The following MUC17 variants were observed in gnomAD, a reference collection of about 807,000 sequenced individuals.
The protein encoded by MUC17 is mucin 17, cell surface associated.
MUC17 carries 190 observed loss-of-function variants against 170.3 expected under a neutral mutation model. The observed-to-expected ratio is 1.12, with a 90% CI of 0.99 to 1.26. The LOEUF is 1.26. MUC17 is among the 50% of genes most tolerant of loss of function. MUC17 has a pLI of 0.00. For synonymous variants in MUC17, 2,325 were observed against 2,002.5 expected, an observed-to-expected ratio of 1.16 and a Z score of -4.30; for missense variants, 6,415 against 5,530.0, an observed-to-expected ratio of 1.16 and a Z score of -5.08.
At chr7:101,046,955 C>A (rs1794853479) in intron 3 of MUC17, among the ~76,000 whole-genome samples, 1 of 151,760 alleles carries the variant, frequency 6.6e-6, no homozygotes, top group South Asian at 2.1e-4. Flanking sequence ...GGCAGGCATG[C>A]CTGTAGTCCC....
In MUC17 at chr7:101,032,436, T is replaced by A; in HGVS notation, c.1020T>A (p.Pro340=). Residue 340 remains proline (P), a synonymous_variant, in exon 3 of 13, where the codon CCT becomes CCA. Transcript: ENST00000306151. The part of the protein sequence containing the change: ...TEGSTPLTST[P]ASTMPVATSE... ...GAAGCACTCCATTAACAAGTACGCC[T>A]GCCAGCACCATGCCGGTTGCCACTT... 6.2e-7 allele frequency: 1 copy of A among 1,613,874 alleles called. No homozygotes were observed. Among genetic ancestry groups the A allele is most frequent in the Non-Finnish European group, 8.5e-7 (1 of 1,179,854 alleles).
chr7:101,048,883 G>C lies in MUC17; in HGVS notation c.12574G>C (p.Val4192Leu), dbSNP rs756626934. The C allele has an allele frequency of 3.1e-6, 5 of 1,614,132 alleles. No homozygotes were observed. The East Asian group carries it at 1.1e-4, about 36-fold the overall frequency. Reference sequence around the variant, plus strand: ...TATCTCTGCCCAAATGGAACTGACTGTGACAGTGACCAGTGTGAAGTTCAC... The same window carrying C: ...TATCTCTGCCCAAATGGAACTGACTCTGACAGTGACCAGTGTGAAGTTCAC... ...ETISAQMELT[V>L]TVTSVKFTEE... Residue 4192 changes from valine (V) to leucine (L), a missense_variant, in exon 5 of 13, where the codon GTG (valine) becomes CTG (leucine). Physicochemically the swap from Val to Leu is conservative, Grantham distance 32. Coordinates refer to ENST00000306151, the MANE Select transcript of MUC17 (RefSeq NM_001040105.2).
chr7:101,023,837 G>T (rs1794135858), intron 1 of MUC17, among the ~76,000 whole-genome samples: 1 of 151,950 alleles, frequency 6.6e-6, no homozygotes, highest in South Asian at 2.1e-4. Context: ...TTTACTTCCT[G>T]TCAGCAATGT....
In MUC17 at chr7:101,049,343, G is replaced by T; in HGVS notation, c.12683G>T (p.Gly4228Val). The T allele has an allele frequency of 6.2e-7, 1 of 1,614,100 alleles. No homozygotes were observed. The highest frequency in any genetic ancestry group is 8.5e-7 in the Non-Finnish European group (1 of 1,179,990). The change falls in exon 6 of 13, where the codon GGG (glycine) becomes GTG (valine). Residue 4228 changes from glycine to valine, a missense_variant. By Grantham distance (109) the Gly-to-Val change is moderately radical (BLOSUM62 -3). Coordinates refer to ENST00000306151, the MANE Select transcript of MUC17 (RefSeq NM_001040105.2). ...TTTCAGATGAATATTGTGTATTCCG[G>T]GATCCCTGAGTATGTCGGGGTGAAC... ...FTEQMNIVYS[G>V]IPEYVGVNIT...
chr7:101,030,725 T>C (rs1794263447), intron 1 of MUC17, among the ~76,000 whole-genome samples: 1 of 151,914 alleles, frequency 6.6e-6, no homozygotes, highest in Non-Finnish European at 1.5e-5. Flanking sequence ...TGTGCCACCA[T>C]CCCCAGCTAA....
In MUC17 at chr7:101,037,400, C is replaced by G. The variant is rs377202743; in HGVS notation, c.5984C>G (p.Thr1995Arg). 3.2e-5 allele frequency: 51 copies of G among 1,613,000 alleles called. No homozygotes were observed. In the Admixed American group the frequency reaches 4.7e-4, roughly 15 times the overall value. Residue 1995 changes from threonine (T) to arginine (R), a missense_variant, in exon 3 of 13, where the codon ACG becomes AGG. Thr to Arg is a moderately conservative substitution (Grantham distance 71). Coordinates refer to ENST00000306151, the MANE Select transcript of MUC17 (RefSeq NM_001040105.2). ...CTAACAAGTATGCCTCTCAGCACCACGCTGGTGGTCAGTTCTGAGGCTAGC... is the reference window on the plus strand; with the variant it reads ...CTAACAAGTATGCCTCTCAGCACCAGGCTGGTGGTCAGTTCTGAGGCTAGC... ...TPLTSMPLSTTLVVSSEASTL... is the reference protein window; with the variant it reads ...TPLTSMPLSTRLVVSSEASTL...
chr7:101,030,985 T>C, intron 1 of MUC17, 135 bp from the exon 2 acceptor site: 2 of 1,135,164 alleles, frequency 1.8e-6, no homozygotes, highest in Admixed American at 5.5e-5. Context: ...TCCTGATGGC[T>C]GATTTCTAAC....
intron 1 of MUC17, among the ~76,000 whole-genome samples, chr7:101,024,288 C>T (rs1028006480): frequency 6.6e-6 from 1 of 151,862 alleles, no homozygotes; most frequent in Non-Finnish European, 1.5e-5. Flanking sequence ...TAATCTCAGC[C>T]CCTCAGGAGG....
rs1247392834 is a variant in MUC17 at position 101,038,509 on chromosome 7, A to G, written c.7093A>G (p.Thr2365Ala). The G allele has an allele frequency of 6.2e-7, 1 of 1,604,798 alleles. No individual in the cohort carries two copies. The highest frequency in any genetic ancestry group is 8.5e-7 in the Non-Finnish European group (1 of 1,174,332). Reference protein sequence around the residue: ...TSTLSTTPADTSTPVTTYSQA... With the variant: ...TSTLSTTPADASTPVTTYSQA... Reference sequence around the variant, plus strand: ...CACACTTTCTACAACTCCTGCTGACACCAGCACACCTGTGACTACTTATTC... The same window carrying G: ...CACACTTTCTACAACTCCTGCTGACGCCAGCACACCTGTGACTACTTATTC... Residue 2365 changes from threonine (T) to alanine (A), a missense_variant, in exon 3 of 13, where the codon ACC becomes GCC. Thr to Ala is a moderately conservative substitution (Grantham distance 58). Coordinates refer to ENST00000306151, the MANE Select transcript of MUC17 (RefSeq NM_001040105.2).
At chr7:101,044,118 G>T (rs1794792316) in intron 3 of MUC17, among the ~76,000 whole-genome samples, 1 of 152,134 alleles carries the variant, frequency 6.6e-6, no homozygotes, top group African/African-American at 2.4e-5. Context: ...GTGATAGTTT[G>T]CTCAGAATGA....
In MUC17 at chr7:101,038,492, C is replaced by G. The variant is rs149178597; in HGVS notation, c.7076C>G (p.Ser2359Cys). The G allele has an allele frequency of 6.2e-7, 1 of 1,604,528 alleles. No individual in the cohort carries two copies. Among genetic ancestry groups the G allele is most frequent in the Non-Finnish European group, 8.5e-7 (1 of 1,174,212 alleles). Residue 2359 changes from serine to cysteine, a missense_variant, in exon 3 of 13, where the codon TCT becomes TGT. Physicochemically the swap from Ser to Cys is moderately radical, Grantham distance 112. Transcript: ENST00000306151. ...GCCAGTTTTGAAACAAGCACACTTT[C>G]TACAACTCCTGCTGACACCAGCACA... The part of the protein sequence containing the change: ...MVASFETSTL[S>C]TTPADTSTPV...
At chr7:101,020,502 C>T (rs1794053505) in intron 1 of MUC17, among the ~76,000 whole-genome samples, 1 of 152,088 alleles carries the variant, frequency 6.6e-6, no homozygotes, top group Non-Finnish European at 1.5e-5. Context: ...ATAACACCTG[C>T]TTTTCAGGGC....
chr7:101,053,025 C>T lies in MUC17; in HGVS notation c.13143C>T (p.Thr4381=). 1.2e-6 allele frequency: 2 copies of T among 1,614,132 alleles called. No individual in the cohort carries two copies. The highest frequency in any genetic ancestry group is 1.7e-6 in the Non-Finnish European group (2 of 1,180,018). Residue 4381 remains threonine (T), a synonymous_variant, in exon 10 of 13, where the codon ACC becomes ACT. Transcript: ENST00000306151. ...TTETHWYSGE[T]CNQGTQKSLV... Reference sequence around the variant, plus strand: ...AAACTCACTGGTACAGTGGGGAGACCTGTAACCAGGGCACCCAGAAGAGTC... The same window carrying T: ...AAACTCACTGGTACAGTGGGGAGACTTGTAACCAGGGCACCCAGAAGAGTC...
chr7:101,039,491 C>T lies in MUC17; in HGVS notation c.8075C>T (p.Thr2692Ile), dbSNP rs762217647. ...ACCTCAACTCCTGGTGAAAGAAGCA[C>T]TCCATTAACAAATATACTTGTCAGC... is the stretch of plus-strand genomic sequence containing the variant. The part of the protein sequence containing the change: ...MPTSTPGERS[T>I]PLTNILVSTT... The change falls in exon 3 of 13, where the codon ACT becomes ATT. Residue 2692 changes from threonine (T) to isoleucine (I), a missense_variant. Coordinates refer to ENST00000306151, the MANE Select transcript of MUC17 (RefSeq NM_001040105.2). 1 of 1,611,386 alleles carries T rather than the reference C, an allele frequency of 6.2e-7. No homozygotes were observed. The highest frequency in any genetic ancestry group is 1.1e-5 in the South Asian group (1 of 90,732).
intron 3 of MUC17, among the ~76,000 whole-genome samples, chr7:101,047,205 T>A (rs566563242): frequency 6.6e-6 from 1 of 152,260 alleles, no homozygotes; most frequent in South Asian, 2.1e-4. Context: ...ACAGTAACGA[T>A]TGCCAGTATG....
In MUC17 at chr7:101,036,467, C is replaced by A. The variant is rs150580443; in HGVS notation, c.5051C>A (p.Thr1684Asn). 2 of 1,611,016 alleles carry A rather than the reference C, an allele frequency of 1.2e-6. No homozygotes were observed. The highest frequency in any genetic ancestry group is 1.7e-6 in the Non-Finnish European group (2 of 1,178,298). The stretch of plus-strand genomic sequence containing the variant: ...GAAGGTACCAGCATGCCAACCTCAA[C>A]TTATACTGAAGGAAGAACTCCTTTA... The part of the protein sequence containing the change: ...PAEGTSMPTS[T>N]YTEGRTPLTS... The change falls in exon 3 of 13, where the codon ACT becomes AAT. Residue 1684 changes from threonine to asparagine, a missense_variant. Thr to Asn is a moderately conservative substitution (Grantham distance 65). Coordinates refer to ENST00000306151, the MANE Select transcript of MUC17 (RefSeq NM_001040105.2).
chr7:101,033,281 C>T lies in MUC17; in HGVS notation c.1865C>T (p.Ser622Leu). 6.2e-7 allele frequency: 1 copy of T among 1,614,052 alleles called. No homozygotes were observed. Among genetic ancestry groups the T allele is most frequent in the East Asian group, 2.2e-5 (1 of 44,874 alleles). The change falls in exon 3 of 13, where the codon TCA (serine) becomes TTA (leucine). Residue 622 changes from serine to leucine, a missense_variant. By Grantham distance (145) the Ser-to-Leu change is moderately radical. Transcript: ENST00000306151. ...TTAEGTSMPT[S>L]TYSERGTTIT... ...GCTGAAGGTACCAGCATGCCAACCT[C>T]AACTTACAGTGAAAGAGGCACTACA... is the stretch of plus-strand genomic sequence containing the variant.
At chr7:101,021,731 A>G (rs1273857308) in intron 1 of MUC17, among the ~76,000 whole-genome samples, 3 of 151,992 alleles carry the variant, frequency 2.0e-5, no homozygotes, top group African/African-American at 7.3e-5. Flanking sequence ...TGTGCCTGGC[A>G]TTGGCTGTCC....
intron 7 of MUC17, among the ~76,000 whole-genome samples, chr7:101,050,976 C>T (rs112091265): frequency 6.6e-5 from 10 of 152,004 alleles, no homozygotes; most frequent in Non-Finnish European, 1.2e-4. Flanking sequence ...CCAGGACTAA[C>T]GGCTATAGGA....
Sources: allele counts gnomAD v4.1 joint callset (sites outside exome capture counted in the v4.1 genomes callset), GRCh38; gene constraint gnomAD v4.1.1; transcripts MANE v1.5; gene names NCBI Gene and HGNC (gene_info 2026-07-23, HGNC 2026-07-21).